Variants in RALGPS2 observed in about 807,000 individuals in gnomAD.
RALGPS2 encodes the protein Ral GEF with PH domain and SH3 binding motif 2, also known as ras-specific guanine nucleotide-releasing factor RalGPS2.
In RALGPS2, 43 loss-of-function variants were observed where a neutral mutation model predicts 86.8. That is an observed-to-expected ratio of 0.50 (90% CI 0.39 to 0.64). RALGPS2 has a LOEUF of 0.64. Ranked by LOEUF, RALGPS2 falls within the 30% of genes least tolerant of loss-of-function variation. The pLI is 0.00. For synonymous variants in RALGPS2, 243 were observed against 231.3 expected (o/e 1.05, Z -0.46); for missense variants, 536 against 694.6 (o/e 0.77, Z 2.57).
At chr1:178,798,115 C>G (rs1286980214) in intron 4 of RALGPS2, among the ~76,000 whole-genome samples, 1 of 151,616 alleles carries the variant, frequency 6.6e-6, no homozygotes, top group African/African-American at 2.4e-5. Context: ...GAGATATATC[C>G]AAATGTATTA....
At chr1:178,818,127 A>G (rs555686511) in intron 6 of RALGPS2, among the ~76,000 whole-genome samples, 2 of 152,240 alleles carry the variant, frequency 1.3e-5, no homozygotes, top group South Asian at 4.1e-4. Context: ...CTGGAAGGCC[A>G]AGGCGGGCAG....
chr1:178,895,073 GAA>G (rs780728430), intron 16 of RALGPS2, among the ~76,000 whole-genome samples: 1 of 151,836 alleles, frequency 6.6e-6, no homozygotes, highest in African/African-American at 2.4e-5. Flanking sequence ...ATTGGGGGGG[GAA>G]AAAAGGAAGA....
At chr1:178,838,920 G>C (rs1268233435) in intron 8 of RALGPS2, among the ~76,000 whole-genome samples, 1 of 152,206 alleles carries the variant, frequency 6.6e-6, no homozygotes, top group Non-Finnish European at 1.5e-5. Flanking sequence ...ATCAGTGATT[G>C]AAGATCAAAT....
chr1:178,855,949 A>G (rs995934529), intron 8 of RALGPS2, among the ~76,000 whole-genome samples: 8 of 148,828 alleles, frequency 5.4e-5, no homozygotes, highest in Non-Finnish European at 1.2e-4. Flanking sequence ...TACATTTTAT[A>G]TATAATATCT....
intron 1 of RALGPS2, among the ~76,000 whole-genome samples, chr1:178,758,369 C>G (rs1049457695): frequency 6.6e-6 from 1 of 151,998 alleles, no homozygotes; most frequent in African/African-American, 2.4e-5. Context: ...TTATTCATCC[C>G]CTCAAGCATT....
In RALGPS2 at chr1:178,824,163, C is replaced by T. The variant is rs145124774; in HGVS notation, c.480+2459C>T. On this transcript the variant is annotated intron_variant, in intron 7 of 19. Transcript: ENST00000367635. ...GACAATTGGAAAGGATTGGTGACCT[C>T]GGGAAGAGTGATTTCAGTAGAGAAT... Among the ~76,000 whole-genome samples the T allele has an allele frequency of 1.4e-3, 215 of 152,114 alleles. 1 individual carries two copies. The highest frequency in any genetic ancestry group is 4.4e-3 in the African/African-American group (184 of 41,484).
intron 11 of RALGPS2, among the ~76,000 whole-genome samples, chr1:178,884,151 A>G (rs1400481578): frequency 2.6e-5 from 4 of 152,330 alleles, no homozygotes; most frequent in African/African-American, 9.6e-5. Context: ...AAGGTTGATT[A>G]CACTAGAAAT....
chr1:178,852,655 A>C, intron 8 of RALGPS2: 1 of 1,592,082 alleles, frequency 6.3e-7, no homozygotes, highest in Non-Finnish European at 8.6e-7. Context: ...TGATGATTCT[A>C]CAAAGAATGA....
chr1:178,917,929 A>T lies in RALGPS2; in HGVS notation c.*1570A>T, dbSNP rs1660865669. 1 of 152,248 alleles carries T rather than the reference A, an allele frequency of 6.6e-6. No individual in the cohort carries two copies. Among genetic ancestry groups the T allele is most frequent in the African/African-American group, 2.4e-5 (1 of 41,564 alleles). The allele number at this position is 152,248 out of a possible 1,614,324, so 9.4% of individuals were successfully genotyped here. The stretch of plus-strand genomic sequence containing the variant: ...TTTCTCACATTCGTATTCTTAGAGA[A>T]TTTTATACTTTTTTATTATAAGTAT... On this transcript the variant is annotated 3_prime_UTR_variant, in exon 20 of 20. Coordinates refer to ENST00000367635, the MANE Select transcript of RALGPS2 (RefSeq NM_152663.5).
intron 19 of RALGPS2, among the ~76,000 whole-genome samples, chr1:178,909,149 T>C (rs750539919): frequency 2.0e-5 from 3 of 152,232 alleles, no homozygotes; most frequent in Non-Finnish European, 2.9e-5. Context: ...AGCAGCATAT[T>C]GAATAGGGAG....
chr1:178,807,669 C>T (rs369286239), intron 4 of RALGPS2, among the ~76,000 whole-genome samples: 36 of 152,254 alleles, frequency 2.4e-4, no homozygotes, highest in African/African-American at 7.7e-4. Context: ...ACTGTTAGCT[C>T]AAAGAGTGAG....
intron 1 of RALGPS2, among the ~76,000 whole-genome samples, chr1:178,742,716 A>C (rs1390578846): frequency 2.0e-5 from 3 of 152,262 alleles, no homozygotes; most frequent in Non-Finnish European, 4.4e-5. Context: ...TCCACAAAAA[A>C]GTCTCAATAA....
chr1:178,749,644 A>G (rs546463443), intron 1 of RALGPS2, among the ~76,000 whole-genome samples: 3 of 152,172 alleles, frequency 2.0e-5, no homozygotes, highest in Non-Finnish European at 4.4e-5. Flanking sequence ...GGGATTTTGT[A>G]AATTCAATTT....
At chr1:178,735,050 A>G (rs1650593541) in intron 1 of RALGPS2, among the ~76,000 whole-genome samples, 1 of 152,228 alleles carries the variant, frequency 6.6e-6, no homozygotes, top group Admixed American at 6.5e-5. Context: ...TGTCCATAGC[A>G]GCTTCGTGAT....
intron 17 of RALGPS2, among the ~76,000 whole-genome samples, chr1:178,898,532 G>A (rs1243407284): frequency 6.6e-6 from 1 of 151,870 alleles, no homozygotes; most frequent in East Asian, 1.9e-4. Flanking sequence ...AACATTTTTG[G>A]TTTAAATGAA....
At chr1:178,880,646 G>A (rs1003044815) in intron 10 of RALGPS2, among the ~76,000 whole-genome samples, 2 of 152,240 alleles carry the variant, frequency 1.3e-5, no homozygotes, top group African/African-American at 2.4e-5. Flanking sequence ...CCAGTGAGAT[G>A]TAGAACAGAT....
Position 178,873,976 on chromosome 1 carries a change from G to A in RALGPS2, c.608-3522G>A, listed in dbSNP as rs142610614. On this transcript the variant is annotated intron_variant, in intron 8 of 19. Transcript: ENST00000367635. ...GCTCACTACAAGCTCCGCCTCCTGG[G>A]TTCTCGCCATTCTCCTGCCTCAGCC... 5.1e-3 allele frequency among the ~76,000 whole-genome samples: 771 copies of A among 152,152 alleles called. 8 individuals are homozygous for A. The highest frequency in any genetic ancestry group is 0.017 in the African/African-American group (722 of 41,502).
At position 178,918,063 on chromosome 1, in the gene RALGPS2, T is replaced by C. The variant is rs182985657; in HGVS notation, c.*1704T>C. 2.6e-5 allele frequency: 4 copies of C among 152,318 alleles called. No individual in the cohort carries two copies. The highest frequency in any genetic ancestry group is 9.6e-5 in the African/African-American group (4 of 41,592). The allele number at this position is 152,318 out of a possible 1,614,324, so 9.4% of individuals were successfully genotyped here. On this transcript the variant is annotated 3_prime_UTR_variant, in exon 20 of 20. Transcript: ENST00000367635. ...GAGCTTTTTTTGAGTGTTAAGTTTT[T>C]TAATTTAGTATTCTGTTTGGAAAAG...
intron 2 of RALGPS2, 64 bp from the exon 3 acceptor site, chr1:178,784,354 C>A: frequency 7.6e-7 from 1 of 1,309,976 alleles, no homozygotes; most frequent in South Asian, 1.5e-5. Flanking sequence ...TAAGGCCAAT[C>A]TAGTTTCTAT....
Sources: gnomAD v4.1 joint callset for allele counts (sites outside exome capture counted in the v4.1 genomes callset) on GRCh38, gnomAD v4.1.1 for gene constraint, MANE v1.5 for transcripts, NCBI Gene and HGNC (gene_info 2026-07-23, HGNC 2026-07-21) for gene names.